ENPP1: variants seen among roughly 807,000 people sequenced by gnomAD.
ENPP1 encodes ectonucleotide pyrophosphatase/phosphodiesterase 1, also known as ectonucleotide pyrophosphatase/phosphodiesterase family member 1.
In ENPP1, 73 loss-of-function variants were observed where a neutral mutation model predicts 122.8. That is an observed-to-expected ratio of 0.59 (90% CI 0.49 to 0.72). The LOEUF is 0.72. ENPP1 is among the 30% of genes least tolerant of loss of function. The pLI is 0.00. For synonymous variants in ENPP1, 367 were observed against 391.6 expected (o/e 0.94, Z 0.74); for missense variants, 978 against 1,128.1 (o/e 0.87, Z 1.91).
chr6:131,859,886 G>C (rs1781995425), intron 7 of ENPP1, among the ~76,000 whole-genome samples: 1 of 152,202 alleles, frequency 6.6e-6, no homozygotes. Context: ...GAGGCCCTCA[G>C]CAAACCTTTT....
intron 1 of ENPP1, among the ~76,000 whole-genome samples, chr6:131,828,668 T>C (rs1376870448): frequency 6.6e-6 from 1 of 152,194 alleles, no homozygotes; most frequent in Non-Finnish European, 1.5e-5. Context: ...TTTCAGTACC[T>C]GTGGGCCATC....
chr6:131,865,004 G>A, intron 11 of ENPP1, 66 bp downstream of exon 11: 10 of 988,486 alleles, frequency 1.0e-5, no homozygotes, highest in Non-Finnish European at 1.6e-5. Flanking sequence ...TCGCTTTGAA[G>A]GAGGCTGCTA....
intron 8 of ENPP1, among the ~76,000 whole-genome samples, chr6:131,861,337 AT>A (rs1198927586): frequency 6.6e-6 from 1 of 152,050 alleles, no homozygotes; most frequent in Non-Finnish European, 1.5e-5. Flanking sequence ...ATATTCGTGA[AT>A]TTTTTTTCTT....
intron 16 of ENPP1, among the ~76,000 whole-genome samples, chr6:131,874,734 G>T (rs1481753891): frequency 6.6e-6 from 1 of 151,958 alleles, no homozygotes; most frequent in Non-Finnish European, 1.5e-5. Context: ...AAAGACACCT[G>T]CACTCGTATG....
chr6:131,832,169 G>C, intron 1 of ENPP1, among the ~76,000 whole-genome samples: 1 of 151,276 alleles, frequency 6.6e-6, no homozygotes. Flanking sequence ...AGGTTCTCTT[G>C]ACTTGTTTTT....
intron 22 of ENPP1, among the ~76,000 whole-genome samples, chr6:131,884,429 T>G (rs1782351032): frequency 6.6e-6 from 1 of 152,204 alleles, no homozygotes; most frequent in Non-Finnish European, 1.5e-5. Flanking sequence ...TGTCTGTGAG[T>G]CCTTTCAAAG....
In ENPP1 at chr6:131,890,506, G is replaced by C. The variant is rs374177498; in HGVS notation, c.2773G>C (p.Asp925His). 20 of 1,613,078 alleles carry C rather than the reference G, an allele frequency of 1.2e-5. No homozygotes were observed. Among genetic ancestry groups the C allele is most frequent in the Non-Finnish European group, 1.7e-5 (20 of 1,179,066 alleles). Residue 925 changes from aspartate to histidine, a missense_variant, in exon 25 of 25, where the codon GAC (aspartate) becomes CAC (histidine). Asp to His is a moderately conservative substitution (Grantham distance 81). Transcript: ENST00000647893. ...KTHLPTFSQE[D>H] is the part of the protein sequence containing the mutation. Reference sequence around the variant, plus strand: ...ACATTTGCCAACCTTTAGCCAAGAAGACTGATATGTTTTTTATCCCCAAAC... The same window carrying C: ...ACATTTGCCAACCTTTAGCCAAGAACACTGATATGTTTTTTATCCCCAAAC...
intron 22 of ENPP1, 33 bp from the exon 23 acceptor site, chr6:131,884,898 T>C: frequency 6.2e-7 from 1 of 1,613,234 alleles, no homozygotes; most frequent in Non-Finnish European, 8.5e-7. Flanking sequence ...CCCTTGTTCT[T>C]TTGAAACTAC....
intron 20 of ENPP1, 150 bp from the exon 21 acceptor site, chr6:131,882,195 G>A: frequency 1.7e-6 from 1 of 584,210 alleles, no homozygotes; most frequent in Non-Finnish European, 3.0e-6. Flanking sequence ...TAGAAAAAAA[G>A]ATGAATATAC....
At chr6:131,864,020 A>C (rs1202844388) in intron 9 of ENPP1, among the ~76,000 whole-genome samples, 2 of 152,164 alleles carry the variant, frequency 1.3e-5, no homozygotes, top group Non-Finnish European at 2.9e-5. Flanking sequence ...AACTAATTGT[A>C]CTTGGGGTGG....
At chr6:131,872,732 T>C (rs1235629574) in intron 14 of ENPP1, among the ~76,000 whole-genome samples, 191 bp from the exon 15 acceptor site, 4 of 152,088 alleles carry the variant, frequency 2.6e-5, no homozygotes, top group African/African-American at 4.8e-5. Flanking sequence ...ATCTGACTTA[T>C]TGGGCCAGCT....
In ENPP1 at chr6:131,808,246, G is replaced by A. The variant is rs572083019; in HGVS notation, c.211G>A (p.Asp71Asn). 7.9e-6 allele frequency: 12 copies of A among 1,520,172 alleles called. No homozygotes were observed. Among genetic ancestry groups the A allele is most frequent in the South Asian group, 2.5e-5 (2 of 80,644 alleles). The allele number at this position is 1,520,172 out of a possible 1,614,324, so 94.2% of individuals were successfully genotyped here. Residue 71 changes from aspartate (D) to asparagine (N), a missense_variant, in exon 1 of 25, where the codon GAC becomes AAC. Asp to Asn is a conservative substitution (Grantham distance 23). Transcript: ENST00000647893. ...EKAARARTAK[D>N]PNTYKVLSLV... The stretch of plus-strand genomic sequence containing the variant: ...GGCGGCGCGCGCCCGCACTGCCAAG[G>A]ACCCCAACACCTATAAAGTACTCTC...
At chr6:131,834,753 G>T (rs1286184750) in intron 1 of ENPP1, among the ~76,000 whole-genome samples, 1 of 147,742 alleles carries the variant, frequency 6.8e-6, no homozygotes, top group Non-Finnish European at 1.5e-5. Context: ...TAGAGACGGG[G>T]TTTCACCATG....
At chr6:131,810,130 G>A (rs565697546) in intron 1 of ENPP1, among the ~76,000 whole-genome samples, 7 of 152,198 alleles carry the variant, frequency 4.6e-5, no homozygotes, top group South Asian at 2.1e-4. Context: ...AAGTTGAGGC[G>A]GTTCCATTGC....
chr6:131,841,267 C>T (rs1781735762), intron 1 of ENPP1, among the ~76,000 whole-genome samples: 1 of 152,168 alleles, frequency 6.6e-6, no homozygotes, highest in African/African-American at 2.4e-5. Flanking sequence ...ATCGAATCCC[C>T]ATCCTCCAGC....
chr6:131,883,721 A>G lies in ENPP1; in HGVS notation c.2258A>G (p.Tyr753Cys). ...CTAAATAAAAATTCAAGTGGAATATATTCTGAAGCTTTGCTTACTACAAAT... is the reference window on the plus strand; with the variant it reads ...CTAAATAAAAATTCAAGTGGAATATGTTCTGAAGCTTTGCTTACTACAAAT... ...PQLNKNSSGI[Y>C]SEALLTTNIV... The change falls in exon 22 of 25, where the codon TAT becomes TGT. Residue 753 changes from tyrosine (Y) to cysteine (C), a missense_variant. Around this residue, in one of 3 missense-constraint regions of ENPP1, gnomAD observed 644 missense variants for 781.5 expected, o/e 0.82. Transcript: ENST00000647893. The G allele has an allele frequency of 6.6e-7, 1 of 1,518,914 alleles. No individual in the cohort carries two copies. The highest frequency in any genetic ancestry group is 9.1e-7 in the Non-Finnish European group (1 of 1,094,074). 94.1% of individuals were successfully genotyped at this position (1,518,914 alleles called of 1,614,324 possible).
chr6:131,854,921 C>T lies in ENPP1; in HGVS notation c.618-5C>T, dbSNP rs1174873345. On this transcript the variant is annotated splice_polypyrimidine_tract_variant and splice_region_variant and intron_variant, in intron 5 of 24. Coordinates refer to ENST00000647893, the MANE Select transcript of ENPP1 (RefSeq NM_006208.3). ...AAACATTTTTTTTTCTTTTTCATTA[C>T]CCAGGTTTGAAACGCCTCCTACCCT... is the stretch of plus-strand genomic sequence containing the variant. 2 of 1,603,272 alleles carry T rather than the reference C, an allele frequency of 1.2e-6. No homozygotes were observed. The highest frequency in any genetic ancestry group is 2.2e-5 in the South Asian group (2 of 90,868).
intron 22 of ENPP1, 144 bp downstream of exon 22, chr6:131,883,918 T>A: frequency 1.7e-6 from 1 of 579,482 alleles, no homozygotes; most frequent in Non-Finnish European, 3.1e-6. Flanking sequence ...AGAATACTAG[T>A]ACACAAAAAT....
chr6:131,837,856 A>G (rs1351593591), intron 1 of ENPP1, among the ~76,000 whole-genome samples: 1 of 152,086 alleles, frequency 6.6e-6, no homozygotes, highest in Non-Finnish European at 1.5e-5. Flanking sequence ...GTCTTCTACC[A>G]TGTCTCTTTT....
Sources: gnomAD v4.1 joint callset for allele counts (sites outside exome capture counted in the v4.1 genomes callset) on GRCh38, gnomAD v4.1.1 for gene constraint, gnomAD v4.1.1 regional missense constraint, MANE v1.5 for transcripts, NCBI Gene and HGNC (gene_info 2026-07-23, HGNC 2026-07-21) for gene names.